Variants in KANSL1L observed in about 807,000 individuals in gnomAD.
KANSL1L encodes the protein KAT8 regulatory NSL complex subunit 1-like protein.
Under a neutral mutation model 108.6 loss-of-function variants are expected in KANSL1L, and 25 were observed. That is an observed-to-expected ratio of 0.23 (90% confidence interval 0.17 to 0.32). The LOEUF (loss-of-function observed/expected upper bound fraction) is 0.32, where lower values mean the gene tolerates loss of function less well. KANSL1L is among the 10% of genes least tolerant of loss of function. KANSL1L has a pLI of 1.00. For missense variants in KANSL1L, 1,137 were observed against 1,125.7 expected (o/e 1.01, Z -0.14); for synonymous variants, 405 against 395.1 (o/e 1.03, Z -0.30).
At chr2:210,131,993 G>A (rs936888367) in intron 2 of KANSL1L, among the ~76,000 whole-genome samples, 2 of 151,982 alleles carry the variant, frequency 1.3e-5, no homozygotes, top group Admixed American at 6.6e-5. Flanking sequence ...CAGAAAGCCC[G>A]GCCTGAAATA....
chr2:210,093,123 G>A (rs1377795556), intron 5 of KANSL1L, among the ~76,000 whole-genome samples: 2 of 152,072 alleles, frequency 1.3e-5, no homozygotes, highest in Non-Finnish European at 2.9e-5. Context: ...CAAGGGCTTT[G>A]ACCTATGTTC....
intron 2 of KANSL1L, among the ~76,000 whole-genome samples, chr2:210,148,045 A>G (rs903697804): frequency 2.6e-5 from 4 of 152,214 alleles, no homozygotes; most frequent in Admixed American, 6.5e-5. Flanking sequence ...AATCTGTTGA[A>G]AAGAATTCCC....
chr2:210,040,649 A>C (rs1439564629), intron 7 of KANSL1L, 122 bp from the exon 8 acceptor site: 1 of 490,500 alleles, frequency 2.0e-6, no homozygotes, highest in Non-Finnish European at 3.6e-6. Flanking sequence ...GAAAATAAGC[A>C]AAAGTTTGAG....
chr2:210,041,514 C>T (rs971447818), intron 7 of KANSL1L, among the ~76,000 whole-genome samples: 2 of 152,212 alleles, frequency 1.3e-5, no homozygotes, highest in Admixed American at 1.3e-4. Flanking sequence ...TGGCCCACTA[C>T]ATTCTCAATC....
chr2:210,054,572 T>C (rs527946489), intron 6 of KANSL1L, among the ~76,000 whole-genome samples: 102 of 152,234 alleles, frequency 6.7e-4, no homozygotes, highest in African/African-American at 2.2e-3. Context: ...CTAAGAGATA[T>C]ACTCACAAAC....
chr2:210,064,630 T>C (rs1202881152), intron 6 of KANSL1L, among the ~76,000 whole-genome samples: 3 of 151,736 alleles, frequency 2.0e-5, no homozygotes, highest in South Asian at 4.2e-4. Flanking sequence ...CTAGGCAACA[T>C]AGAAAGACCC....
intron 5 of KANSL1L, among the ~76,000 whole-genome samples, chr2:210,084,618 TTC>T (rs965216605): frequency 3.2e-4 from 48 of 152,244 alleles, no homozygotes; most frequent in Admixed American, 2.7e-3. Context: ...TCTTTTTTTT[TTC>T]TCTCTCTTTT....
intron 5 of KANSL1L, among the ~76,000 whole-genome samples, chr2:210,085,481 T>A (rs1000059840): frequency 2.0e-5 from 3 of 152,182 alleles, no homozygotes; most frequent in African/African-American, 7.2e-5. Context: ...ATAGCCATAC[T>A]TTTCTACCTG....
intron 1 of KANSL1L, chr2:210,170,601 T>C (rs1688273869): frequency 6.6e-6 from 1 of 152,586 alleles, no homozygotes; most frequent in South Asian, 2.1e-4. Flanking sequence ...CCCTAGATTC[T>C]GCTCTATCCC....
intron 6 of KANSL1L, among the ~76,000 whole-genome samples, chr2:210,049,796 T>C (rs2094269205): frequency 6.6e-6 from 1 of 152,180 alleles, no homozygotes; most frequent in Non-Finnish European, 1.5e-5. Flanking sequence ...TATTAAAAAA[T>C]CAGTTTTGAT....
chr2:210,131,322 T>C (rs940144490), intron 2 of KANSL1L, among the ~76,000 whole-genome samples: 1 of 152,156 alleles, frequency 6.6e-6, no homozygotes, highest in African/African-American at 2.4e-5. Context: ...GATATGTAGA[T>C]AAAAGAATGG....
Position 210,031,119 on chromosome 2 carries a change from C to T in KANSL1L, c.2155+302G>A, listed in dbSNP as rs1254804072. ...TTTCTGTAAGGCAACTTTGCACTAG[C>T]CTATTTTGAGCATAGAACACAACTT... On this transcript the variant is annotated intron_variant, in intron 9 of 14. Transcript: ENST00000281772. 3.0e-5 allele frequency: 7 copies of T among 234,596 alleles called. No homozygotes were observed. In the South Asian group the frequency reaches 3.1e-4, roughly 10 times the overall value. 14.5% of individuals were successfully genotyped at this position (234,596 alleles called of 1,614,324 possible). A position where few individuals can be genotyped will look rare whatever the true frequency, so the allele number is the denominator to read the frequency against.
At chr2:210,043,663 T>C (rs751233425) in intron 7 of KANSL1L, 11 of 252,028 alleles carry the variant, frequency 4.4e-5, no homozygotes, top group Non-Finnish European at 6.7e-5. Context: ...AATAAAATGC[T>C]CAAAATTTAA....
chr2:210,113,778 A>G (rs991476000), intron 3 of KANSL1L, among the ~76,000 whole-genome samples: 1 of 152,214 alleles, frequency 6.6e-6, no homozygotes, highest in Non-Finnish European at 1.5e-5. Context: ...GCTGAAAAGT[A>G]TAATAACTGA....
intron 4 of KANSL1L, 37 bp downstream of exon 4, chr2:210,104,067 T>G: frequency 1.3e-6 from 2 of 1,487,312 alleles, no homozygotes; most frequent in Non-Finnish European, 1.9e-6. Context: ...CAATGAAAAG[T>G]CATTTCATAC....
intron 4 of KANSL1L, among the ~76,000 whole-genome samples, chr2:210,100,667 C>T (rs1027707194): frequency 6.6e-6 from 1 of 152,182 alleles, no homozygotes; most frequent in Admixed American, 6.5e-5. Context: ...CAGACAGTGT[C>T]TCGTTCTGTC....
intron 5 of KANSL1L, among the ~76,000 whole-genome samples, chr2:210,078,933 G>T (rs1443360619): frequency 6.6e-6 from 1 of 152,008 alleles, no homozygotes; most frequent in East Asian, 1.9e-4. Flanking sequence ...AAAAAATAAG[G>T]TTTATCTCTT....
chr2:210,138,248 A>G (rs115032545), intron 2 of KANSL1L, among the ~76,000 whole-genome samples: 2,285 of 152,154 alleles, frequency 0.015, 66 homozygotes, highest in African/African-American at 0.052. Flanking sequence ...TCTCACTTAT[A>G]AGTGGGGGCT....
At chr2:210,094,953 T>C (rs2094723539) in intron 5 of KANSL1L, among the ~76,000 whole-genome samples, 1 of 151,546 alleles carries the variant, frequency 6.6e-6, no homozygotes, top group African/African-American at 2.4e-5. Context: ...AAAGGAAAAA[T>C]GTTTTACTTG....
Sources: gnomAD v4.1 joint callset for allele counts (sites outside exome capture counted in the v4.1 genomes callset) on GRCh38, gnomAD v4.1.1 for gene constraint, MANE v1.5 for transcripts, NCBI Gene and HGNC (gene_info 2026-07-23, HGNC 2026-07-21) for gene names.